The following ADARB2 variants were observed in gnomAD, a reference collection of about 807,000 sequenced individuals.
The protein encoded by ADARB2 is adenosine deaminase RNA specific B2 (inactive).
Under a neutral mutation model 62.2 loss-of-function variants are expected in ADARB2, and 25 were observed. The ratio of observed to expected loss-of-function variants is 0.40; its 90% CI spans 0.29 to 0.56. The LOEUF is 0.56. Ranked by LOEUF, ADARB2 falls within the 20% of genes least tolerant of loss-of-function variation. ADARB2 has a pLI of 0.43. For missense variants in ADARB2, 1,071 were observed against 1,077.4 expected, an observed-to-expected ratio of 0.99 and a Z score of 0.08; for synonymous variants, 572 against 500.8, an observed-to-expected ratio of 1.14 and a Z score of -1.90.
intron 1 of ADARB2, among the ~76,000 whole-genome samples, chr10:1,458,254 C>G (rs1831122093): frequency 6.6e-6 from 1 of 152,158 alleles, no homozygotes; most frequent in African/African-American, 2.4e-5. Context: ...CTTGCGAATA[C>G]TTCCCATCTG....
At chr10:1,276,264 T>A (rs1479968626) in intron 3 of ADARB2, among the ~76,000 whole-genome samples, 1 of 152,230 alleles carries the variant, frequency 6.6e-6, no homozygotes, top group African/African-American at 2.4e-5. Context: ...CCAGTGATGA[T>A]GAGCATTTTT....
At chr10:1,220,526 A>C (rs771817568) in intron 6 of ADARB2, among the ~76,000 whole-genome samples, 3 of 152,196 alleles carry the variant, frequency 2.0e-5, no homozygotes, top group South Asian at 2.1e-4. Context: ...ATGAACATCA[A>C]CTTTCTGCGG....
chr10:1,258,507 C>A (rs2131788265), intron 4 of ADARB2, among the ~76,000 whole-genome samples: 1 of 152,232 alleles, frequency 6.6e-6, no homozygotes. Context: ...ATCCTAGTCT[C>A]TAATAAAACA....
At chr10:1,735,852 T>A (rs939453283) in intron 1 of ADARB2, among the ~76,000 whole-genome samples, 11 of 152,202 alleles carry the variant, frequency 7.2e-5, no homozygotes, top group Non-Finnish European at 7.3e-5. Context: ...CTGCTGACTG[T>A]CTGGATAATT....
chr10:1,737,246 G>C lies in ADARB2; in HGVS notation c.-96C>G. 2.2e-6 allele frequency: 3 copies of C among 1,340,092 alleles called. No homozygotes were observed. The highest frequency in any genetic ancestry group is 3.2e-6 in the Non-Finnish European group (3 of 951,536). The allele number at this position is 1,340,092 out of a possible 1,614,324, so 83.0% of individuals were successfully genotyped here. A position where few individuals can be genotyped will look rare whatever the true frequency, so the allele number is the denominator to read the frequency against. ...CGCCGCCGCCGCTGCTGCGAAGCTT[G>C]AGGTTGCAAACCCGGGAGCGGCTCA... On this transcript the variant is annotated 5_prime_UTR_variant, in exon 1 of 10. Coordinates refer to ENST00000381312, the MANE Select transcript of ADARB2 (RefSeq NM_018702.4).
At chr10:1,391,244 T>C (rs189611182) in intron 1 of ADARB2, among the ~76,000 whole-genome samples, 7 of 150,840 alleles carry the variant, frequency 4.6e-5, no homozygotes, top group African/African-American at 1.5e-4. Context: ...CAACAACCAA[T>C]AGGCGATGTC....
At chr10:1,198,840 T>A (rs1836944496) in intron 8 of ADARB2, among the ~76,000 whole-genome samples, 1 of 152,248 alleles carries the variant, frequency 6.6e-6, no homozygotes, top group Non-Finnish European at 1.5e-5. Context: ...GACTGGCTGC[T>A]GAGGGTGACA....
chr10:1,379,004 G>A (rs1230798079), intron 2 of ADARB2, 70 bp downstream of exon 2: 3 of 1,344,070 alleles, frequency 2.2e-6, no homozygotes, highest in East Asian at 4.6e-5. Context: ...CAGGTTTTGG[G>A]GACTGCAGGG....
intron 2 of ADARB2, among the ~76,000 whole-genome samples, chr10:1,365,277 T>C (rs980991206): frequency 1.3e-5 from 2 of 151,972 alleles, no homozygotes; most frequent in African/African-American, 2.4e-5. Flanking sequence ...TGTCTTGGAG[T>C]GTCATGGATC....
chr10:1,456,570 A>G (rs928161421), intron 1 of ADARB2, among the ~76,000 whole-genome samples: 3 of 152,078 alleles, frequency 2.0e-5, no homozygotes, highest in Non-Finnish European at 2.9e-5. Flanking sequence ...TCGTGAACCC[A>G]GCTCTGCCTC....
At chr10:1,635,609 C>T (rs945064629) in intron 1 of ADARB2, among the ~76,000 whole-genome samples, 1 of 152,210 alleles carries the variant, frequency 6.6e-6, no homozygotes, top group African/African-American at 2.4e-5. Context: ...TCGGGACAGC[C>T]TCACGTTGGA....
chr10:1,431,604 A>G (rs1588255625), intron 1 of ADARB2, among the ~76,000 whole-genome samples: 1 of 152,308 alleles, frequency 6.6e-6, no homozygotes, highest in East Asian at 1.9e-4. Context: ...ATTAAAGAAT[A>G]AAGATGAGAG....
intron 1 of ADARB2, among the ~76,000 whole-genome samples, chr10:1,532,484 C>T (rs1277742857): frequency 1.3e-5 from 2 of 152,148 alleles, no homozygotes; most frequent in Non-Finnish European, 2.9e-5. Flanking sequence ...TCCCTGTGTC[C>T]TTCTGCTGTG....
intron 1 of ADARB2, among the ~76,000 whole-genome samples, chr10:1,686,263 G>T (rs1834595622): frequency 1.3e-5 from 2 of 152,244 alleles, no homozygotes; most frequent in Non-Finnish European, 2.9e-5. Flanking sequence ...CTCGGCGGGG[G>T]TTCTCTGTGG....
At chr10:1,504,918 G>A (rs753094384) in intron 1 of ADARB2, among the ~76,000 whole-genome samples, 1 of 151,728 alleles carries the variant, frequency 6.6e-6, no homozygotes, top group Non-Finnish European at 1.5e-5. Flanking sequence ...ACACACATGC[G>A]TGTGCGTGCA....
At chr10:1,633,605 TATCTATCC>T in intron 1 of ADARB2, among the ~76,000 whole-genome samples, 1 of 148,214 alleles carries the variant, frequency 6.7e-6, no homozygotes, top group Non-Finnish European at 1.5e-5. Context: ...TCTATCTATC[TATCTATCC>T]CTCTATGTAA....
At chr10:1,233,888 A>C in intron 5 of ADARB2, 43 bp from the exon 6 acceptor site, 1 of 1,589,466 alleles carries the variant, frequency 6.3e-7, no homozygotes. Context: ...CACAAACCAA[A>C]CCAGAAATGT....
At chr10:1,381,800 G>A (rs536845744) in intron 1 of ADARB2, among the ~76,000 whole-genome samples, 6 of 152,326 alleles carry the variant, frequency 3.9e-5, no homozygotes, top group African/African-American at 1.2e-4. Flanking sequence ...TGAATTCACC[G>A]AAGCAGAGAG....
chr10:1,347,275 G>A (rs762459248), intron 3 of ADARB2, among the ~76,000 whole-genome samples: 3 of 152,224 alleles, frequency 2.0e-5, no homozygotes, highest in Admixed American at 6.5e-5. Context: ...AGTCGTGTCA[G>A]AGGACCGAGG....
Sources: allele counts gnomAD v4.1 joint callset (sites outside exome capture counted in the v4.1 genomes callset), GRCh38; gene constraint gnomAD v4.1.1; transcripts MANE v1.5; gene names NCBI Gene and HGNC (gene_info 2026-07-23, HGNC 2026-07-21).